Variants in ZFAND4 observed in about 807,000 individuals in gnomAD.
ZFAND4 encodes the protein AN1-type zinc finger protein 4.
ZFAND4 carries 43 observed loss-of-function variants against 64.4 expected under a neutral mutation model. The ratio of observed to expected loss-of-function variants is 0.67; its 90% CI spans 0.52 to 0.86. The LOEUF (loss-of-function observed/expected upper bound fraction) is 0.86, where lower values mean the gene tolerates loss of function less well. ZFAND4 is among the 40% of genes least tolerant of loss of function. ZFAND4 has a pLI of 0.00. For missense variants in ZFAND4, 929 were observed against 859.8 expected, an observed-to-expected ratio of 1.08 and a Z score of -1.01; for synonymous variants, 296 against 305.7, an observed-to-expected ratio of 0.97 and a Z score of 0.33.
intron 2 of ZFAND4, among the ~76,000 whole-genome samples, chr10:45,661,886 G>A (rs1401027074): frequency 1.3e-5 from 2 of 151,600 alleles, no homozygotes; most frequent in African/African-American, 4.8e-5. Flanking sequence ...GTTGTGGTGA[G>A]CAGAGATTGC....
At chr10:45,656,835 T>C (rs76130427) in intron 2 of ZFAND4, among the ~76,000 whole-genome samples, 9,127 of 151,928 alleles carry the variant, frequency 0.06, 394 homozygotes, top group African/African-American at 0.12. Flanking sequence ...CTCCCTCTCT[T>C]TATCTACCGT....
intron 1 of ZFAND4, among the ~76,000 whole-genome samples, chr10:45,665,998 T>G (rs1007030889): frequency 2.0e-5 from 3 of 152,258 alleles, no homozygotes; most frequent in Non-Finnish European, 4.4e-5. Context: ...TTTCCAATTT[T>G]GGGCTGTTAC....
At chr10:45,633,172 C>T (rs896241183) in intron 6 of ZFAND4, among the ~76,000 whole-genome samples, 8 of 151,172 alleles carry the variant, frequency 5.3e-5, no homozygotes, top group Non-Finnish European at 1.0e-4. Flanking sequence ...GAATAATAGA[C>T]CTTCATCTAT....
At chr10:45,647,331 C>T (rs1452793863) in intron 5 of ZFAND4, among the ~76,000 whole-genome samples, 2 of 151,920 alleles carry the variant, frequency 1.3e-5, no homozygotes, top group African/African-American at 4.8e-5. Context: ...AAGAGAATTG[C>T]TGACACCTTG....
intron 6 of ZFAND4, among the ~76,000 whole-genome samples, chr10:45,637,480 A>G (rs1431873285): frequency 6.6e-6 from 1 of 151,922 alleles, no homozygotes; most frequent in Non-Finnish European, 1.5e-5. Flanking sequence ...AGCTGGGTGC[A>G]GTGACTCATG....
chr10:45,638,705 T>C (rs1564588031), intron 6 of ZFAND4, among the ~76,000 whole-genome samples: 1 of 152,020 alleles, frequency 6.6e-6, no homozygotes, highest in Non-Finnish European at 1.5e-5. Flanking sequence ...AACTCAAATG[T>C]CCATCAAAAG....
chr10:45,642,723 A>G (rs1184879460), intron 5 of ZFAND4, among the ~76,000 whole-genome samples: 1 of 151,296 alleles, frequency 6.6e-6, no homozygotes, highest in African/African-American at 2.4e-5. Context: ...GTTTTCTCTC[A>G]TGAAGTATAG....
Position 45,652,987 on chromosome 10 carries a change from T to C in ZFAND4, c.257A>G (p.Tyr86Cys), listed in dbSNP as rs1423815222. The C allele has an allele frequency of 8.1e-6, 13 of 1,610,730 alleles. No homozygotes were observed. Among genetic ancestry groups the C allele is most frequent in the Non-Finnish European group, 1.1e-5 (13 of 1,177,856 alleles). Residue 86 changes from tyrosine to cysteine, a missense_variant, in exon 3 of 10, where the codon TAC (tyrosine) becomes TGC (cysteine). Physicochemically the swap from Tyr to Cys is radical, Grantham distance 194. Transcript: ENST00000344646. ...GCCAATATGCAATTACACTCACTTG[T>C]AATCATTCAAGCAATAATCATTTTC... Reference protein sequence around the residue: ...ELENDYCLNDYNISEGCTLKL... With the variant: ...ELENDYCLNDCNISEGCTLKL...
Position 45,666,369 on chromosome 10 carries a change from T to C in ZFAND4, c.-117-2527A>G, listed in dbSNP as rs116688237. Among the ~76,000 whole-genome samples, 350 of 152,354 alleles carry C rather than the reference T, an allele frequency of 2.3e-3. 2 individuals carry two copies. The highest frequency in any genetic ancestry group is 8.1e-3 in the African/African-American group (335 of 41,578). On this transcript the variant is annotated intron_variant, in intron 1 of 9. Transcript: ENST00000344646. Reference sequence around the variant, plus strand: ...CATACATTCTTTGGAGAAATGCCTATTCATATACTTTGTCTATTTTTTAAT... The same window carrying C: ...CATACATTCTTTGGAGAAATGCCTACTCATATACTTTGTCTATTTTTTAAT...
chr10:45,633,650 T>TC (rs200685163), intron 6 of ZFAND4, among the ~76,000 whole-genome samples: 2,452 of 151,962 alleles, frequency 0.016, 74 homozygotes, highest in African/African-American at 0.055. Flanking sequence ...CAAATTTTCT[T>TC]TAAAAAAAAA....
intron 9 of ZFAND4, 46 bp downstream of exon 9, chr10:45,618,094 G>A (rs373577871): frequency 3.2e-6 from 5 of 1,577,780 alleles, no homozygotes; most frequent in Non-Finnish European, 4.3e-6. Flanking sequence ...CCCAAGCTGG[G>A]TTATCACAGA....
chr10:45,665,632 TAC>T (rs574271418), intron 1 of ZFAND4, among the ~76,000 whole-genome samples: 97 of 152,188 alleles, frequency 6.4e-4, no homozygotes, highest in Non-Finnish European at 1.2e-3. Context: ...TTTTATGATG[TAC>T]ACAGAGTTGT....
intron 5 of ZFAND4, among the ~76,000 whole-genome samples, chr10:45,643,110 C>A (rs1465397876): frequency 2.7e-5 from 4 of 149,740 alleles, no homozygotes; most frequent in African/African-American, 9.8e-5. Flanking sequence ...AGTAGAGATG[C>A]GGTTTCTCCA....
chr10:45,650,849 C>T (rs2133785017), intron 4 of ZFAND4: 1 of 152,150 alleles, frequency 6.6e-6, no homozygotes, highest in Admixed American at 6.5e-5. Flanking sequence ...GGACAATTAC[C>T]TAAATCCAAT....
rs755593409 is a variant in ZFAND4 at position 45,625,908 on chromosome 10, T to TA, written c.1872+42dup. On this transcript the variant is annotated intron_variant, in intron 7 of 9. Coordinates refer to ENST00000344646, the MANE Select transcript of ZFAND4 (RefSeq NM_174890.4). ...CCAAACTTTAAATAAGTTGAATCAC[T>TA]ACAAGGATAACTACTAGAGCATGTT... is the stretch of plus-strand genomic sequence containing the variant. 3.2e-5 allele frequency: 50 copies of TA among 1,560,126 alleles called. No homozygotes were observed. In the African/African-American group the frequency reaches 5.9e-4, roughly 18 times the overall value.
At chr10:45,661,784 T>G (rs972620121) in intron 2 of ZFAND4, among the ~76,000 whole-genome samples, 3 of 151,692 alleles carry the variant, frequency 2.0e-5, no homozygotes, top group African/African-American at 7.3e-5. Flanking sequence ...CTACTAAAAG[T>G]GCAAAATCAG....
intron 5 of ZFAND4, among the ~76,000 whole-genome samples, chr10:45,645,667 A>C (rs552551983): frequency 4.3e-4 from 65 of 152,342 alleles, no homozygotes; most frequent in African/African-American, 1.5e-3. Flanking sequence ...TGTTTGAATT[A>C]CACGTAACAG....
chr10:45,652,932 G>T, intron 3 of ZFAND4, 52 bp downstream of exon 3: 2 of 1,336,352 alleles, frequency 1.5e-6, no homozygotes, highest in Non-Finnish European at 2.1e-6. Context: ...ATTAGCATAT[G>T]GAGTCATAAT....
At chr10:45,620,104 T>C (rs2045303651) in intron 8 of ZFAND4, among the ~76,000 whole-genome samples, 1 of 152,196 alleles carries the variant, frequency 6.6e-6, no homozygotes, top group African/African-American at 2.4e-5. Context: ...CTGATGATAA[T>C]TTAATTCACT....
Sources: gnomAD v4.1 joint callset for allele counts (sites outside exome capture counted in the v4.1 genomes callset) on GRCh38, gnomAD v4.1.1 for gene constraint, MANE v1.5 for transcripts, NCBI Gene and HGNC (gene_info 2026-07-23, HGNC 2026-07-21) for gene names.